FBXL2: variants seen among roughly 807,000 people sequenced by gnomAD.
FBXL2 encodes the protein F-box/LRR-repeat protein 2.
FBXL2 carries 38 observed loss-of-function variants against 69.2 expected under a neutral mutation model. That is an observed-to-expected ratio of 0.55 (90% CI 0.42 to 0.72). The LOEUF is 0.72. Ranked by LOEUF, FBXL2 falls within the 30% of genes least tolerant of loss-of-function variation. FBXL2 has a pLI of 0.00. For synonymous variants in FBXL2, 192 were observed against 201.3 expected, an observed-to-expected ratio of 0.95 and a Z score of 0.39; for missense variants, 354 against 520.3, an observed-to-expected ratio of 0.68 and a Z score of 3.11.
chr3:33,301,724 A>T (rs1327516039), intron 2 of FBXL2, among the ~76,000 whole-genome samples: 1 of 152,192 alleles, frequency 6.6e-6, no homozygotes, highest in African/African-American at 2.4e-5. Flanking sequence ...AACAGCTTTT[A>T]GTATTATTCT....
rs1345721880 is a variant in FBXL2, at chr3:33,383,992, C to CGACA, written c.955_956insGACA (p.Leu319ArgfsTer6). ...TACTCATGTCTTCCTGTTCCAGAGC[C>CGACA]TGTCCCACTGTGAACTCATCACAGA... On this transcript the variant is annotated frameshift_variant, in exon 14 of 15. Transcript: ENST00000484457. LOFTEE classifies it high-confidence loss of function. 1 of 1,613,962 alleles carries CGACA rather than the reference C, an allele frequency of 6.2e-7. No individual in the cohort carries two copies. The highest frequency in any genetic ancestry group is 8.5e-7 in the Non-Finnish European group (1 of 1,179,878).
chr3:33,382,299 T>C (rs529359896), intron 13 of FBXL2, among the ~76,000 whole-genome samples: 1 of 152,336 alleles, frequency 6.6e-6, no homozygotes, highest in East Asian at 1.9e-4. Context: ...ACATTTATCA[T>C]TGGTGTATAG....
chr3:33,283,553 T>C (rs2034272221), intron 1 of FBXL2, among the ~76,000 whole-genome samples: 2 of 152,106 alleles, frequency 1.3e-5, no homozygotes, highest in Non-Finnish European at 2.9e-5. Flanking sequence ...CAGGATGATG[T>C]TGGCCTCATA....
chr3:33,287,626 G>A (rs941100246), intron 1 of FBXL2, among the ~76,000 whole-genome samples: 1 of 152,082 alleles, frequency 6.6e-6, no homozygotes, highest in Non-Finnish European at 1.5e-5. Context: ...CAGATGTGAG[G>A]CACTGCACCC....
At chr3:33,408,560 C>G (rs1575470224), downstream of FBXL2, 1 of 658,704 alleles carries the variant, frequency 1.5e-6, no homozygotes, top group East Asian at 3.0e-5. Flanking sequence ...GAAGTCTAAA[C>G]AAAAGCAAAT....
intron 5 of FBXL2, among the ~76,000 whole-genome samples, chr3:33,369,714 G>T (rs541219617): frequency 6.6e-6 from 1 of 152,224 alleles, no homozygotes; most frequent in Non-Finnish European, 1.5e-5. Flanking sequence ...CCAGGTTCAA[G>T]TGATTCTTGT....
At chr3:33,383,665 T>C in intron 13 of FBXL2, 1 of 280,342 alleles carries the variant, frequency 3.6e-6, no homozygotes, top group Non-Finnish European at 6.9e-6. Flanking sequence ...TATTTCCATC[T>C]TTACACAATT....
chr3:33,396,359 T>G, intron 12 of FBXL2: 2 of 1,049,896 alleles, frequency 1.9e-6, no homozygotes. Flanking sequence ...ACTACAGGAA[T>G]CTAAGTTCTA....
At chr3:33,339,739 A>G (rs1383631819) in intron 2 of FBXL2, among the ~76,000 whole-genome samples, 2 of 152,222 alleles carry the variant, frequency 1.3e-5, no homozygotes, top group Non-Finnish European at 2.9e-5. Flanking sequence ...GCTAAAAGTA[A>G]ATACTCTCCA....
At chr3:33,408,329 A>G (rs991554905), downstream of FBXL2, among the ~76,000 whole-genome samples, 1 of 152,142 alleles carries the variant, frequency 6.6e-6, no homozygotes, top group African/African-American at 2.4e-5. Flanking sequence ...CTAATTTACT[A>G]AAGAAAGTAT....
intron 2 of FBXL2, among the ~76,000 whole-genome samples, chr3:33,335,666 A>T (rs973629140): frequency 4.6e-5 from 7 of 152,236 alleles, no homozygotes; most frequent in African/African-American, 1.7e-4. Flanking sequence ...AACAACCATA[A>T]AATATGCATA....
chr3:33,379,578 C>G (rs2042884215), intron 13 of FBXL2, among the ~76,000 whole-genome samples: 1 of 151,562 alleles, frequency 6.6e-6, no homozygotes, highest in Non-Finnish European at 1.5e-5. Flanking sequence ...TGGTCTCGAA[C>G]TCCTGACCTC....
the FBXL2 span, among the ~76,000 whole-genome samples, chr3:33,410,848 G>A: frequency 2.0e-5 from 3 of 152,080 alleles, no homozygotes; most frequent in Non-Finnish European, 4.4e-5. Context: ...AAGGCAGGTA[G>A]ATCACTTGAG....
chr3:33,390,262 G>A, downstream of FBXL2: 2 of 1,455,536 alleles, frequency 1.4e-6, no homozygotes, highest in Non-Finnish European at 1.9e-6. Context: ...AAGACTTCTT[G>A]GATTCAGTCT....
At chr3:33,289,864 G>C (rs1300689021) in intron 1 of FBXL2, 5 of 861,378 alleles carry the variant, frequency 5.8e-6, no homozygotes, top group African/African-American at 3.7e-5. Flanking sequence ...AGTGCACCAG[G>C]GGGTTTATGA....
At chr3:33,300,729 G>A (rs1211603155) in intron 2 of FBXL2, among the ~76,000 whole-genome samples, 1 of 141,404 alleles carries the variant, frequency 7.1e-6, no homozygotes, top group Non-Finnish European at 1.5e-5. Context: ...TTTTTTTTGA[G>A]ACGGAGTCTC....
intron 1 of FBXL2, among the ~76,000 whole-genome samples, chr3:33,286,268 C>T (rs1472185568): frequency 6.6e-6 from 1 of 152,208 alleles, no homozygotes; most frequent in Non-Finnish European, 1.5e-5. Context: ...TCAGGACCCT[C>T]AGCTGCAGGT....
At chr3:33,414,654 T>C in the FBXL2 span, among the ~76,000 whole-genome samples, 3 of 152,180 alleles carry the variant, frequency 2.0e-5, no homozygotes, top group Non-Finnish European at 4.4e-5. Context: ...AAAAAGGATG[T>C]AATTTCCAAG....
intron 2 of FBXL2, among the ~76,000 whole-genome samples, chr3:33,304,591 G>C (rs1039049048): frequency 2.0e-5 from 3 of 151,954 alleles, no homozygotes; most frequent in Non-Finnish European, 4.4e-5. Context: ...TGTTTTATCA[G>C]TAAGAGCAGT....
Sources: allele counts gnomAD v4.1 joint callset (sites outside exome capture counted in the v4.1 genomes callset), GRCh38; gene constraint gnomAD v4.1.1; transcripts MANE v1.5; gene names NCBI Gene and HGNC (gene_info 2026-07-23, HGNC 2026-07-21).